DOCK1: variants seen among roughly 807,000 people sequenced by gnomAD.
DOCK1 encodes the protein dedicator of cytokinesis protein 1.
In DOCK1, 138 loss-of-function variants were observed where a neutral mutation model predicts 262.7. That is an observed-to-expected ratio of 0.53 (90% CI 0.46 to 0.61). The LOEUF (loss-of-function observed/expected upper bound fraction) is 0.61, where lower values mean the gene tolerates loss of function less well. Ranked by LOEUF, DOCK1 falls within the 20% of genes least tolerant of loss-of-function variation. The pLI, the probability that DOCK1 is intolerant of heterozygous loss-of-function variation, is 0.00. For synonymous variants in DOCK1, 866 were observed against 867.4 expected (o/e 1.00, Z 0.03); for missense variants, 1,908 against 2,370.7 (o/e 0.80, Z 4.05).
At chr10:126,917,340 A>G (rs2032621085) in intron 1 of DOCK1, among the ~76,000 whole-genome samples, 1 of 152,020 alleles carries the variant, frequency 6.6e-6, no homozygotes, top group Admixed American at 6.5e-5. Context: ...TCGATGTTGT[A>G]TTTTTTCACA....
At chr10:127,400,202 A>T (rs1033339951) in intron 38 of DOCK1, among the ~76,000 whole-genome samples, 1 of 149,942 alleles carries the variant, frequency 6.7e-6, no homozygotes, top group African/African-American at 2.4e-5. Context: ...AAAAAAGCAG[A>T]TGGTTTCTTT....
chr10:127,116,068 T>C (rs2049161054), intron 25 of DOCK1, among the ~76,000 whole-genome samples: 1 of 152,190 alleles, frequency 6.6e-6, no homozygotes, highest in Admixed American at 6.5e-5. Flanking sequence ...TTGGATACTC[T>C]AGATAGATTG....
intron 12 of DOCK1, among the ~76,000 whole-genome samples, chr10:127,017,986 C>T (rs952502071): frequency 5.3e-5 from 8 of 152,238 alleles, no homozygotes; most frequent in African/African-American, 7.2e-5. Context: ...CCCGCACACA[C>T]GCCCTTACAC....
intron 30 of DOCK1, 68 bp downstream of exon 30, chr10:127,339,152 G>A (rs370208157): frequency 1.5e-5 from 20 of 1,312,824 alleles, no homozygotes; most frequent in African/African-American, 7.3e-5. Context: ...GTCCGAGCCA[G>A]TATCTTACAG....
In DOCK1 at chr10:126,970,788, G is replaced by A. The variant is rs993203417; in HGVS notation, c.130+3G>A. 6.2e-7 allele frequency: 1 copy of A among 1,611,304 alleles called. No homozygotes were observed. The highest frequency in any genetic ancestry group is 8.5e-7 in the Non-Finnish European group (1 of 1,178,044). On this transcript the variant is annotated splice_donor_region_variant and intron_variant, in intron 2 of 51. Coordinates refer to ENST00000623213, the MANE Select transcript of DOCK1 (RefSeq NM_001290223.2). ...GCACATCTTAGAAACATATGAAGGT[G>A]CGTATGCATCTTGGTATCTTTTCTC...
At chr10:127,035,522 T>C (rs771549628) in intron 18 of DOCK1, among the ~76,000 whole-genome samples, 3 of 152,146 alleles carry the variant, frequency 2.0e-5, no homozygotes, top group Non-Finnish European at 4.4e-5. Context: ...TACTACTCAT[T>C]AGCCCAATTG....
At chr10:127,208,963 C>G (rs7898625) in intron 27 of DOCK1, among the ~76,000 whole-genome samples, 1 of 152,146 alleles carries the variant, frequency 6.6e-6, no homozygotes, top group African/African-American at 2.4e-5. Flanking sequence ...ACCAAGTGGT[C>G]GTTAATACAG....
chr10:127,347,675 CCTGT>C (rs1319828548), intron 31 of DOCK1, among the ~76,000 whole-genome samples: 1 of 150,726 alleles, frequency 6.6e-6, no homozygotes, highest in Non-Finnish European at 1.5e-5. Context: ...GATGCATGCA[CCTGT>C]CTGTTTCTCG....
intron 23 of DOCK1, among the ~76,000 whole-genome samples, chr10:127,101,609 C>G (rs1044176128): frequency 1.3e-5 from 2 of 152,176 alleles, no homozygotes; most frequent in Non-Finnish European, 1.5e-5. Flanking sequence ...GCTAGGAGCT[C>G]GGGAAGACCA....
intron 23 of DOCK1, among the ~76,000 whole-genome samples, chr10:127,068,718 TAC>T (rs1402333415): frequency 6.6e-6 from 1 of 152,212 alleles, no homozygotes; most frequent in African/African-American, 2.4e-5. Context: ...CCTATATATA[TAC>T]ACACACATAT....
chr10:127,415,302 T>C, intron 44 of DOCK1, 64 bp downstream of exon 44: 1 of 1,505,030 alleles, frequency 6.6e-7, no homozygotes, highest in South Asian at 1.2e-5. Context: ...CTGCCACGCC[T>C]TCTTCACCTG....
chr10:127,186,186 C>T (rs1228186410), intron 27 of DOCK1, among the ~76,000 whole-genome samples: 1 of 152,080 alleles, frequency 6.6e-6, no homozygotes, highest in Non-Finnish European at 1.5e-5. Flanking sequence ...GTGTATTAGT[C>T]CATTCTCACA....
At chr10:127,396,987 C>G (rs56265097) in intron 38 of DOCK1, among the ~76,000 whole-genome samples, 224 of 70,374 alleles carry the variant, frequency 3.2e-3, no homozygotes, top group African/African-American at 7.0e-3. Context: ...ATCTGAGCAT[C>G]AGTTACACGG....
At chr10:127,022,122 C>G (rs2042474656) in intron 13 of DOCK1, among the ~76,000 whole-genome samples, 1 of 151,972 alleles carries the variant, frequency 6.6e-6, no homozygotes, top group African/African-American at 2.4e-5. Context: ...GAGTCTTGAG[C>G]TCATTTCTTG....
At position 126,940,811 on chromosome 10, in the gene DOCK1, T is replaced by C. The variant is rs1451136007; in HGVS notation, c.47-29891T>C. On this transcript the variant is annotated intron_variant, in intron 1 of 51. Coordinates refer to ENST00000623213, the MANE Select transcript of DOCK1 (RefSeq NM_001290223.2). Reference sequence around the variant, plus strand: ...TTAGTTTATCAAGTAAAATTTGACTTGTATTGACAAGAACTGGAGTTGTGA... The same window carrying C: ...TTAGTTTATCAAGTAAAATTTGACTCGTATTGACAAGAACTGGAGTTGTGA... Among the ~76,000 whole-genome samples, 4 of 152,206 alleles carry C rather than the reference T, an allele frequency of 2.6e-5. No homozygotes were observed. The East Asian group carries it at 5.8e-4, about 22-fold the overall frequency.
chr10:127,429,829 C>T (rs764149812), intron 47 of DOCK1, among the ~76,000 whole-genome samples: 2 of 149,512 alleles, frequency 1.3e-5, no homozygotes, highest in African/African-American at 5.1e-5. Context: ...GCGCCACGTT[C>T]GGCATTGGCC....
At chr10:126,972,576 G>A (rs2038197209) in intron 2 of DOCK1, among the ~76,000 whole-genome samples, 1 of 152,102 alleles carries the variant, frequency 6.6e-6, no homozygotes, top group Non-Finnish European at 1.5e-5. Flanking sequence ...TGGGAGGTTG[G>A]GGGTGAGAGG....
intron 37 of DOCK1, among the ~76,000 whole-genome samples, chr10:127,382,290 G>C (rs2065869234): frequency 6.6e-6 from 1 of 152,146 alleles, no homozygotes; most frequent in Non-Finnish European, 1.5e-5. Flanking sequence ...AGGAGTTAAG[G>C]AAGACATTGT....
chr10:127,065,855 G>GA (rs5788826), intron 23 of DOCK1, among the ~76,000 whole-genome samples: 21 of 150,858 alleles, frequency 1.4e-4, no homozygotes, highest in Admixed American at 9.2e-4. Context: ...ACTCCATCTC[G>GA]AAAAAAAAAT....
Sources: gnomAD v4.1 joint callset for allele counts (sites outside exome capture counted in the v4.1 genomes callset) on GRCh38, gnomAD v4.1.1 for gene constraint, MANE v1.5 for transcripts, NCBI Gene and HGNC (gene_info 2026-07-23, HGNC 2026-07-21) for gene names.